Variants in ESR1 observed in about 807,000 individuals in gnomAD.
ESR1 encodes estrogen receptor 1.
ESR1 carries 12 observed loss-of-function variants against 52.7 expected under a neutral mutation model. The observed-to-expected ratio is 0.23, with a 90% CI of 0.15 to 0.37. The LOEUF is 0.37. Among genes scored for constraint, ESR1 ranks in the 10% least tolerant of loss-of-function variants. The pLI, the probability that ESR1 is intolerant of heterozygous loss-of-function variation, is 1.00. For synonymous variants in ESR1, 305 were observed against 316.8 expected, an observed-to-expected ratio of 0.96 and a Z score of 0.39; for missense variants, 584 against 779.7, an observed-to-expected ratio of 0.75 and a Z score of 2.99.
At chr6:151,686,689 A>AAACC (rs35551206), upstream of ESR1, among the ~76,000 whole-genome samples, 30,231 of 126,466 alleles carry the variant, frequency 0.24, 3,510 homozygotes, top group Middle Eastern at 0.39. Flanking sequence ...CTCCATCTCA[A>AAACC]AACCAACCAA....
intron 2 of ESR1, among the ~76,000 whole-genome samples, chr6:151,792,936 C>T (rs183474300): frequency 3.4e-3 from 524 of 152,036 alleles, no homozygotes; most frequent in African/African-American, 7.2e-3. Context: ...TTTGGGAGGC[C>T]GAGGCGGGCA....
At chr6:151,692,536 T>C (rs1467846945) in intron 1 of ESR1, among the ~76,000 whole-genome samples, 6 of 152,182 alleles carry the variant, frequency 3.9e-5, no homozygotes, top group Non-Finnish European at 7.3e-5. Flanking sequence ...AGTCATAGCA[T>C]AGTCTTCATC....
chr6:151,753,581 G>A (rs187439971), intron 2 of ESR1, among the ~76,000 whole-genome samples: 305 of 152,290 alleles, frequency 2.0e-3, no homozygotes, highest in Middle Eastern at 3.4e-3. Flanking sequence ...GCCTCCCAAA[G>A]TGCTGGGATT....
chr6:152,032,030 T>C (rs1584916002), intron 5 of ESR1, among the ~76,000 whole-genome samples: 1 of 152,092 alleles, frequency 6.6e-6, no homozygotes, highest in African/African-American at 2.4e-5. Context: ...ACAGAACCAA[T>C]GACAAAAACC....
At position 151,660,355 on chromosome 6, in the gene ESR1, C is replaced by A. The variant is rs369420674; in HGVS notation, n.73+3592C>A. Among the ~76,000 whole-genome samples, 32 of 152,304 alleles carry A rather than the reference C, an allele frequency of 2.1e-4. No homozygotes were observed. The South Asian group carries it at 4.6e-3, about 22-fold the overall frequency. ...GTTTCAGTATAGTTCAGTGGCTAAG[C>A]TTTTGAGAGGGACAGTTCTATGTTC... is the stretch of plus-strand genomic sequence containing the variant. On this transcript the variant is annotated intron_variant and non_coding_transcript_variant, in intron 1 of 2. Coordinates refer to the ESR1 transcript ENST00000473497.
At chr6:151,962,484 G>A (rs1203625663) in intron 4 of ESR1, among the ~76,000 whole-genome samples, 2 of 152,110 alleles carry the variant, frequency 1.3e-5, no homozygotes, top group Non-Finnish European at 2.9e-5. Context: ...GCCCCTGGTT[G>A]ATGTCATTCC....
chr6:151,949,559 G>A (rs1348713792), intron 4 of ESR1, among the ~76,000 whole-genome samples: 1 of 152,222 alleles, frequency 6.6e-6, no homozygotes, highest in South Asian at 2.1e-4. Context: ...GACAAGATTT[G>A]CCATTTAGAT....
At chr6:151,741,021 C>T (rs970756117) in intron 2 of ESR1, among the ~76,000 whole-genome samples, 1 of 152,108 alleles carries the variant, frequency 6.6e-6, no homozygotes, top group African/African-American at 2.4e-5. Context: ...GTGTCTGCCT[C>T]CTGGCCAGCC....
intron 1 of ESR1, among the ~76,000 whole-genome samples, chr6:151,815,107 G>C (rs542237958): frequency 6.6e-6 from 1 of 152,142 alleles, no homozygotes; most frequent in Non-Finnish European, 1.5e-5. Context: ...TAACAGTTTC[G>C]AAAGCAACAT....
intron 2 of ESR1, among the ~76,000 whole-genome samples, chr6:151,862,567 A>C (rs1265240009): frequency 1.3e-5 from 2 of 152,154 alleles, no homozygotes; most frequent in Non-Finnish European, 2.9e-5. Context: ...GTAGGACTAA[A>C]GGTTTGGGTG....
intron 2 of ESR1, among the ~76,000 whole-genome samples, chr6:151,874,014 C>T (rs1185636344): frequency 6.6e-6 from 1 of 152,140 alleles, no homozygotes; most frequent in Admixed American, 6.6e-5. Flanking sequence ...TTGTCGGACT[C>T]CTCCAATGAG....
intron 2 of ESR1, among the ~76,000 whole-genome samples, chr6:151,860,466 T>C (rs998951919): frequency 2.6e-5 from 4 of 152,208 alleles, no homozygotes; most frequent in African/African-American, 9.7e-5. Flanking sequence ...GTATATAGTG[T>C]GTGTGATATA....
intron 1 of ESR1, among the ~76,000 whole-genome samples, chr6:151,814,624 G>C (rs9340780): frequency 6.6e-6 from 1 of 152,194 alleles, no homozygotes; most frequent in Admixed American, 6.5e-5. Context: ...TTCAAAAAGT[G>C]ATGTTTTTCT....
At chr6:151,717,345 A>G (rs1781126442) in intron 2 of ESR1, among the ~76,000 whole-genome samples, 1 of 152,208 alleles carries the variant, frequency 6.6e-6, no homozygotes, top group Non-Finnish European at 1.5e-5. Context: ...TCAGTCTTCC[A>G]TATTTATTTT....
chr6:151,688,226 G>A (rs143768128), upstream of ESR1, among the ~76,000 whole-genome samples: 393 of 152,270 alleles, frequency 2.6e-3, no homozygotes, highest in African/African-American at 8.2e-3. Context: ...TGATTTGATG[G>A]AACTGTTTTT....
chr6:151,854,094 G>T (rs534939227), intron 2 of ESR1, among the ~76,000 whole-genome samples: 94 of 152,210 alleles, frequency 6.2e-4, no homozygotes, highest in South Asian at 1.0e-3. Flanking sequence ...AAAGAGAATG[G>T]TCTGTATCTC....
intron 1 of ESR1, among the ~76,000 whole-genome samples, chr6:151,659,530 A>T (rs73780834): frequency 1.2e-3 from 179 of 152,316 alleles, no homozygotes; most frequent in African/African-American, 3.7e-3. Flanking sequence ...TGAGTTTCTC[A>T]TGGCTAATGA....
intron 2 of ESR1, among the ~76,000 whole-genome samples, chr6:151,843,910 CT>C (rs397885637): frequency 0.053 from 7,239 of 137,490 alleles, 217 homozygotes; most frequent in Middle Eastern, 0.11. Context: ...GCCAGTGGGA[CT>C]TTTTTTTTTT....
intron 2 of ESR1, among the ~76,000 whole-genome samples, chr6:151,719,425 A>C (rs893078004): frequency 3.3e-5 from 5 of 152,126 alleles, no homozygotes; most frequent in African/African-American, 1.2e-4. Flanking sequence ...TGAGGAAGTG[A>C]GACAGTCGCT....
Sources: gnomAD v4.1 joint callset for allele counts (sites outside exome capture counted in the v4.1 genomes callset) on GRCh38, gnomAD v4.1.1 for gene constraint, MANE v1.5 for transcripts, NCBI Gene and HGNC (gene_info 2026-07-23, HGNC 2026-07-21) for gene names.